MMADHC: variants seen among roughly 807,000 people sequenced by gnomAD.
MMADHC encodes the protein metabolism of cobalamin associated D, also known as cobalamin trafficking protein CblD.
Under a neutral mutation model 36.3 loss-of-function variants are expected in MMADHC, and 23 were observed. The ratio of observed to expected loss-of-function variants is 0.63; its 90% CI spans 0.46 to 0.90. MMADHC has a LOEUF of 0.90. MMADHC is among the 40% of genes least tolerant of loss of function. The probability of loss-of-function intolerance (pLI) is 0.00; values close to 1 mark genes in which losing one functional copy is unlikely to be tolerated. For synonymous variants in MMADHC, 97 were observed against 116.1 expected, an observed-to-expected ratio of 0.84 and a Z score of 1.06; for missense variants, 330 against 348.0, an observed-to-expected ratio of 0.95 and a Z score of 0.41.
At chr2:149,579,691 A>C in intron 3 of MMADHC, 43 bp from the exon 4 acceptor site, 1 of 1,489,104 alleles carries the variant, frequency 6.7e-7, no homozygotes, top group Admixed American at 1.7e-5. Context: ...CTTAATAGTC[A>C]AGTATATTGG....
rs766749125 is a variant in MMADHC, at chr2:149,576,425, A to G, written c.478+12T>C. On this transcript the variant is annotated intron_variant, in intron 5 of 7. Coordinates refer to ENST00000303319, the MANE Select transcript of MMADHC (RefSeq NM_015702.3). ...TTAGTAACAGTGTTTCAAAGTATAAAGCATGACATACCTTTTCGCAGCAAT... is the reference window on the plus strand; with the variant it reads ...TTAGTAACAGTGTTTCAAAGTATAAGGCATGACATACCTTTTCGCAGCAAT... The G allele has an allele frequency of 6.4e-6, 10 of 1,553,968 alleles. No individual in the cohort carries two copies. The East Asian group carries it at 2.2e-4, about 35-fold the overall frequency.
chr2:149,574,755 T>C (rs1179211546), intron 6 of MMADHC, among the ~76,000 whole-genome samples: 1 of 152,196 alleles, frequency 6.6e-6, no homozygotes, highest in Non-Finnish European at 1.5e-5. Flanking sequence ...TCACTGCTTG[T>C]TGCCTATAAT....
chr2:149,573,342 T>C (rs1372573775), intron 6 of MMADHC, among the ~76,000 whole-genome samples: 1 of 152,226 alleles, frequency 6.6e-6, no homozygotes, highest in African/African-American at 2.4e-5. Flanking sequence ...GAAAGCCACC[T>C]GTGTTTTAAC....
intron 7 of MMADHC, among the ~76,000 whole-genome samples, chr2:149,570,405 A>G (rs1682621892): frequency 6.6e-6 from 1 of 152,180 alleles, no homozygotes; most frequent in South Asian, 2.1e-4. Context: ...AATGCATAAT[A>G]TTGCATCCTT....
chr2:149,572,925 G>A (rs1024476572), intron 6 of MMADHC, among the ~76,000 whole-genome samples: 1 of 152,112 alleles, frequency 6.6e-6, no homozygotes, highest in Non-Finnish European at 1.5e-5. Context: ...TAATTCAGAG[G>A]TTAGTAAGCT....
intron 6 of MMADHC, among the ~76,000 whole-genome samples, chr2:149,574,279 T>G (rs1682683445): frequency 6.6e-6 from 1 of 152,188 alleles, no homozygotes; most frequent in Non-Finnish European, 1.5e-5. Context: ...TTTTAATATG[T>G]AAATAGAAAA....
chr2:149,582,441 A>AC (rs1682808668), intron 2 of MMADHC, among the ~76,000 whole-genome samples, 170 bp from the exon 3 acceptor site: 1 of 151,552 alleles, frequency 6.6e-6, no homozygotes, highest in African/African-American at 2.4e-5. Flanking sequence ...TAATTTTAAA[A>AC]ATAAAAATAA....
intron 3 of MMADHC, among the ~76,000 whole-genome samples, chr2:149,580,755 T>C (rs1682782786): frequency 1.3e-5 from 2 of 152,282 alleles, no homozygotes; most frequent in South Asian, 2.1e-4. Flanking sequence ...CATGGAACCA[T>C]TTCCTGCTGA....
Position 149,576,399 on chromosome 2 carries a change from A to T in MMADHC, c.478+38T>A, listed in dbSNP as rs746482202. ...GTACATTATTCAACATATTAAAAAAATTAGTAACAGTGTTTCAAAGTATAA... is the reference window on the plus strand; with the variant it reads ...GTACATTATTCAACATATTAAAAAATTTAGTAACAGTGTTTCAAAGTATAA... On this transcript the variant is annotated intron_variant, in intron 5 of 7. Coordinates refer to ENST00000303319, the MANE Select transcript of MMADHC (RefSeq NM_015702.3). The T allele has an allele frequency of 8.0e-6, 11 of 1,369,000 alleles. No individual in the cohort carries two copies. The Admixed American group carries it at 1.5e-4, about 19-fold the overall frequency. The allele number at this position is 1,369,000 out of a possible 1,614,324, so 84.8% of individuals were successfully genotyped here. A position where few individuals can be genotyped will look rare whatever the true frequency, so the allele number is the denominator to read the frequency against.
At position 149,582,379 on chromosome 2, in the gene MMADHC, T is replaced by C. The variant is rs1682807780; in HGVS notation, c.10-108A>G. ...CTGCAAGGTTCTTTTAAAACCAACA[T>C]TTATTCTACTTTTACTGAACACCTA... is the stretch of plus-strand genomic sequence containing the variant. On this transcript the variant is annotated intron_variant, in intron 2 of 7. Coordinates refer to ENST00000303319, the MANE Select transcript of MMADHC (RefSeq NM_015702.3). The C allele has an allele frequency of 3.8e-6, 4 of 1,043,346 alleles. No individual in the cohort carries two copies. In the African/African-American group the frequency reaches 4.8e-5, roughly 12 times the overall value. 64.6% of individuals were successfully genotyped at this position (1,043,346 alleles called of 1,614,324 possible). A position where few individuals can be genotyped will look rare whatever the true frequency, so the allele number is the denominator to read the frequency against.
At chr2:149,582,035 T>A in intron 3 of MMADHC, 92 bp downstream of exon 3, 1 of 1,405,694 alleles carries the variant, frequency 7.1e-7, no homozygotes, top group Non-Finnish European at 9.9e-7. Context: ...TTTAGAAAAA[T>A]CCATTAAGCC....
chr2:149,580,089 G>C (rs2105048549), intron 3 of MMADHC, among the ~76,000 whole-genome samples: 1 of 152,256 alleles, frequency 6.6e-6, no homozygotes, highest in Admixed American at 6.5e-5. Context: ...TGTGATCGCA[G>C]CTCACTGAAG....
rs1682613155 is a variant in MMADHC at position 149,569,938 on chromosome 2, C to T, written c.*36G>A. 3 of 1,582,538 alleles carry T rather than the reference C, an allele frequency of 1.9e-6. No homozygotes were observed. In the African/African-American group the frequency reaches 4.0e-5, roughly 21 times the overall value. On this transcript the variant is annotated 3_prime_UTR_variant, in exon 8 of 8. Coordinates refer to ENST00000303319, the MANE Select transcript of MMADHC (RefSeq NM_015702.3). ...TGTTTATAGATCAACCCAAATATTA[C>T]ATACAAATAGTACAGCAAATGAATG...
chr2:149,577,573 T>C (rs370393313), intron 4 of MMADHC, among the ~76,000 whole-genome samples: 1 of 152,250 alleles, frequency 6.6e-6, no homozygotes, highest in Non-Finnish European at 1.5e-5. Context: ...TCCCTGCTCG[T>C]TGGGAGGCTG....
chr2:149,569,790 A>G lies in MMADHC; in HGVS notation c.*184T>C, dbSNP rs1057458934. 7 of 598,944 alleles carry G rather than the reference A, an allele frequency of 1.2e-5. No individual in the cohort carries two copies. The African/African-American group carries it at 1.3e-4, about 11-fold the overall frequency. 37.1% of individuals were successfully genotyped at this position (598,944 alleles called of 1,614,324 possible). On this transcript the variant is annotated 3_prime_UTR_variant, in exon 8 of 8. Coordinates refer to ENST00000303319, the MANE Select transcript of MMADHC (RefSeq NM_015702.3). ...TGTGGATGTGTTCAACGTGTATTCA[A>G]TGATATGAATAAATGAACATTTGCA...
At chr2:149,570,476 A>C (rs1041755920) in intron 7 of MMADHC, among the ~76,000 whole-genome samples, 2 of 152,194 alleles carry the variant, frequency 1.3e-5, no homozygotes, top group African/African-American at 4.8e-5. Flanking sequence ...AAGACAAGGA[A>C]ACTAAAGCCC....
chr2:149,586,874 A>C, intron 2 of MMADHC: 2 of 590,300 alleles, frequency 3.4e-6, no homozygotes, highest in Non-Finnish European at 6.0e-6. Context: ...ACATCTGTAC[A>C]AATGAAATTG....
intron 2 of MMADHC, 47 bp downstream of exon 2, chr2:149,587,042 T>C: frequency 6.3e-7 from 1 of 1,590,142 alleles, no homozygotes; most frequent in Non-Finnish European, 8.6e-7. Context: ...TTCCTAACAT[T>C]CCCAAACGAG....
intron 2 of MMADHC, among the ~76,000 whole-genome samples, chr2:149,586,036 G>A (rs1682864452): frequency 6.6e-6 from 1 of 152,122 alleles, no homozygotes; most frequent in Admixed American, 6.5e-5. Flanking sequence ...GTTATGGGCA[G>A]GCAAAAATTC....
Sources: allele counts gnomAD v4.1 joint callset (sites outside exome capture counted in the v4.1 genomes callset), GRCh38; gene constraint gnomAD v4.1.1; transcripts MANE v1.5; gene names NCBI Gene and HGNC (gene_info 2026-07-23, HGNC 2026-07-21).